The following PXDNL variants were observed in gnomAD, a reference collection of about 807,000 sequenced individuals.
PXDNL encodes peroxidasin like, also known as probable oxidoreductase PXDNL.
PXDNL carries 145 observed loss-of-function variants against 150.8 expected under a neutral mutation model. The ratio of observed to expected loss-of-function variants is 0.96; its 90% CI spans 0.84 to 1.10. The LOEUF is 1.10. PXDNL is among the 50% of genes least tolerant of loss of function. The probability of loss-of-function intolerance (pLI) is 0.00; values close to 1 mark genes in which losing one functional copy is unlikely to be tolerated. For synonymous variants in PXDNL, 757 were observed against 725.7 expected (o/e 1.04, Z -0.69); for missense variants, 2,087 against 1,873.9 (o/e 1.11, Z -2.10).
chr8:51,436,255 C>G (rs1746258809), intron 12 of PXDNL: 2 of 509,824 alleles, frequency 3.9e-6, no homozygotes, highest in South Asian at 1.4e-5. Context: ...GATATGGTTT[C>G]AGAAGTTTTA....
intron 1 of PXDNL, among the ~76,000 whole-genome samples, chr8:51,782,575 A>T (rs947958683): frequency 6.6e-6 from 1 of 152,214 alleles, no homozygotes; most frequent in African/African-American, 2.4e-5. Context: ...TATTTGTTGA[A>T]CAAATTGTTC....
chr8:51,674,206 T>C (rs1342253048), intron 1 of PXDNL, among the ~76,000 whole-genome samples: 1 of 152,220 alleles, frequency 6.6e-6, no homozygotes, highest in Admixed American at 6.5e-5. Flanking sequence ...AGGCACTCTA[T>C]TGCATATCCT....
rs1051120525 is a variant in PXDNL, at chr8:51,372,797, T to G, written c.3693-716A>C. ...ACTTTTGATAATTAATATATACTATTTGGTTATATCCATCAACTAACTAGA... is the reference window on the plus strand; with the variant it reads ...ACTTTTGATAATTAATATATACTATGTGGTTATATCCATCAACTAACTAGA... On this transcript the variant is annotated intron_variant, in intron 18 of 22. Coordinates refer to ENST00000356297, the MANE Select transcript of PXDNL (RefSeq NM_144651.5). Among the ~76,000 whole-genome samples, 9 of 152,362 alleles carry G rather than the reference T, an allele frequency of 5.9e-5. No individual in the cohort carries two copies. In the East Asian group the frequency reaches 1.5e-3, roughly 26 times the overall value.
rs758846002 is a variant in PXDNL, at chr8:51,345,909, C to T, written c.3940G>A (p.Glu1314Lys). The change falls in exon 20 of 23, where the codon GAG becomes AAG. Residue 1314 changes from glutamate (E) to lysine (K), a missense_variant. Physicochemically the swap from Glu to Lys is moderately conservative, Grantham distance 56. Transcript: ENST00000356297. ...SRGQFRAVTQ[E>K]SQKKRSAQYS... ...TGAGCTGAGCGTTTCTTTTGAGACTCTTGCGTCACTGCTCTGAACTGTCCT... is the reference window on the plus strand; with the variant it reads ...TGAGCTGAGCGTTTCTTTTGAGACTTTTGCGTCACTGCTCTGAACTGTCCT... 20 of 1,613,644 alleles carry T rather than the reference C, an allele frequency of 1.2e-5. No individual in the cohort carries two copies. The highest frequency in any genetic ancestry group is 1.4e-5 in the Non-Finnish European group (16 of 1,179,688).
intron 3 of PXDNL, among the ~76,000 whole-genome samples, chr8:51,573,572 C>T (rs1339527003): frequency 6.6e-6 from 1 of 151,996 alleles, no homozygotes; most frequent in Non-Finnish European, 1.5e-5. Context: ...CCCGCACTCC[C>T]AACTCCAACT....
chr8:51,718,881 T>C (rs932792030), intron 1 of PXDNL, among the ~76,000 whole-genome samples: 2 of 151,998 alleles, frequency 1.3e-5, no homozygotes, highest in African/African-American at 4.8e-5. Context: ...CCTGAACTAG[T>C]CATTTGTGTT....
At chr8:51,507,884 T>C (rs1273252452) in intron 4 of PXDNL, among the ~76,000 whole-genome samples, 10 of 152,134 alleles carry the variant, frequency 6.6e-5, no homozygotes, top group Non-Finnish European at 1.2e-4. Context: ...CAGTGCCAGG[T>C]TGAGAAACAC....
At chr8:51,372,478 G>T (rs1174743862) in intron 18 of PXDNL, among the ~76,000 whole-genome samples, 1 of 152,242 alleles carries the variant, frequency 6.6e-6, no homozygotes, top group Non-Finnish European at 1.5e-5. Flanking sequence ...TCTACCTCCC[G>T]AGTTCACGCA....
Position 51,809,238 on chromosome 8 carries a change from C to T in PXDNL, c.107G>A (p.Arg36His), listed in dbSNP as rs1226221650. 7 of 1,612,878 alleles carry T rather than the reference C, an allele frequency of 4.3e-6. No individual in the cohort carries two copies. The highest frequency in any genetic ancestry group is 1.1e-5 in the South Asian group (1 of 90,716). ...GTGGTCCAGCATCAAGTGCATGCAG[C>T]GGACGGTGCTCTTAAAGCAAAGGCA... is the stretch of plus-strand genomic sequence containing the variant. ...SRCLCFKSTV[R>H]CMHLMLDHIP... Residue 36 changes from arginine (R) to histidine (H), a missense_variant, in exon 1 of 23, where the codon CGC becomes CAC. By Grantham distance (29) the Arg-to-His change is conservative (BLOSUM62 0). Coordinates refer to ENST00000356297, the MANE Select transcript of PXDNL (RefSeq NM_144651.5).
At chr8:51,654,939 T>C (rs910325619) in intron 1 of PXDNL, among the ~76,000 whole-genome samples, 179 bp from the exon 2 acceptor site, 2 of 152,212 alleles carry the variant, frequency 1.3e-5, no homozygotes, top group African/African-American at 4.8e-5. Context: ...GTGCACTGTT[T>C]ATAGCAAATT....
chr8:51,717,091 A>C, intron 1 of PXDNL, among the ~76,000 whole-genome samples: 1 of 152,194 alleles, frequency 6.6e-6, no homozygotes, highest in East Asian at 1.9e-4. Context: ...GTGCTTTATT[A>C]TCCTTAGTAT....
chr8:51,800,397 C>CCCT (rs1231474990), intron 1 of PXDNL, among the ~76,000 whole-genome samples: 1 of 152,122 alleles, frequency 6.6e-6, no homozygotes, highest in Non-Finnish European at 1.5e-5. Flanking sequence ...GTGGTATATT[C>CCCT]CCTGATTCAG....
intron 4 of PXDNL, among the ~76,000 whole-genome samples, chr8:51,501,005 G>A (rs1327387605): frequency 6.6e-6 from 1 of 152,112 alleles, no homozygotes; most frequent in Non-Finnish European, 1.5e-5. Context: ...TAATGAAAAA[G>A]TATAATAATC....
chr8:51,723,466 C>T (rs1179405823), intron 1 of PXDNL, among the ~76,000 whole-genome samples: 1 of 152,288 alleles, frequency 6.6e-6, no homozygotes, highest in African/African-American at 2.4e-5. Flanking sequence ...CCTGCACGGG[C>T]GATATCAGCC....
At chr8:51,731,565 C>G (rs1335710272) in intron 1 of PXDNL, among the ~76,000 whole-genome samples, 1 of 152,208 alleles carries the variant, frequency 6.6e-6, no homozygotes, top group Non-Finnish European at 1.5e-5. Flanking sequence ...CTCACAGCTC[C>G]ACTAGGACTC....
At chr8:51,772,986 G>C (rs1318638720) in intron 1 of PXDNL, among the ~76,000 whole-genome samples, 2 of 152,162 alleles carry the variant, frequency 1.3e-5, no homozygotes, top group African/African-American at 4.8e-5. Flanking sequence ...AACACTTATA[G>C]CAACACAACT....
intron 14 of PXDNL, among the ~76,000 whole-genome samples, chr8:51,417,784 T>G (rs1266075745): frequency 3.3e-5 from 5 of 152,176 alleles, no homozygotes; most frequent in Non-Finnish European, 5.9e-5. Context: ...ACACTGATGG[T>G]AATGACTGCC....
intron 4 of PXDNL, among the ~76,000 whole-genome samples, chr8:51,524,990 T>A (rs950037600): frequency 3.3e-5 from 5 of 152,194 alleles, no homozygotes; most frequent in Non-Finnish European, 7.3e-5. Flanking sequence ...AACAGGGGTG[T>A]GTTGAACTCT....
chr8:51,433,698 C>A (rs6998610), intron 12 of PXDNL, among the ~76,000 whole-genome samples: 28,787 of 151,944 alleles, frequency 0.19, 3,052 homozygotes, highest in East Asian at 0.32. Flanking sequence ...AACTTATAAT[C>A]GTATTTTTAT....
Sources: gnomAD v4.1 joint callset for allele counts (sites outside exome capture counted in the v4.1 genomes callset) on GRCh38, gnomAD v4.1.1 for gene constraint, MANE v1.5 for transcripts, NCBI Gene and HGNC (gene_info 2026-07-23, HGNC 2026-07-21) for gene names.